CKAP5: variants seen among roughly 807,000 people sequenced by gnomAD.
CKAP5 encodes the protein cytoskeleton-associated protein 5.
CKAP5 carries 27 observed loss-of-function variants against 232.8 expected under a neutral mutation model. That is an observed-to-expected ratio of 0.12 (90% CI 0.09 to 0.16). The LOEUF (loss-of-function observed/expected upper bound fraction) is 0.16. CKAP5 is among the 10% of genes least tolerant of loss of function. The pLI, the probability that CKAP5 is intolerant of heterozygous loss-of-function variation, is 1.00. For missense variants in CKAP5, 1,838 were observed against 2,424.7 expected (o/e 0.76, Z 5.08); for synonymous variants, 785 against 841.1 (o/e 0.93, Z 1.16).
intron 4 of CKAP5, among the ~76,000 whole-genome samples, chr11:46,814,278 T>G (rs1249929259): frequency 3.9e-5 from 6 of 152,080 alleles, no homozygotes; most frequent in Admixed American, 1.3e-4. Context: ...GAGCATACTG[T>G]TTACTACTCA....
intron 35 of CKAP5, among the ~76,000 whole-genome samples, chr11:46,755,535 G>A (rs2065104406): frequency 6.6e-6 from 1 of 151,854 alleles, no homozygotes; most frequent in African/African-American, 2.4e-5. Flanking sequence ...CTAGTCCTTA[G>A]GGATTCAGTC....
At chr11:46,845,379 C>CA (rs1234371042) in intron 1 of CKAP5, among the ~76,000 whole-genome samples, 1 of 152,190 alleles carries the variant, frequency 6.6e-6, no homozygotes, top group Non-Finnish European at 1.5e-5. Context: ...ATAAAAAACT[C>CA]ATTGTTAAGA....
intron 26 of CKAP5, among the ~76,000 whole-genome samples, chr11:46,768,739 G>T (rs2065224733): frequency 6.6e-6 from 1 of 150,560 alleles, no homozygotes; most frequent in Non-Finnish European, 1.5e-5. Context: ...GCGCCACCAA[G>T]ACTAGCTAAT....
At chr11:46,836,783 A>C (rs1275318354) in intron 1 of CKAP5, among the ~76,000 whole-genome samples, 1 of 152,190 alleles carries the variant, frequency 6.6e-6, no homozygotes, top group African/African-American at 2.4e-5. Context: ...TATTTATCCA[A>C]CTGAATTAAA....
chr11:46,829,235 C>T (rs1401797644), intron 1 of CKAP5, among the ~76,000 whole-genome samples: 3 of 152,226 alleles, frequency 2.0e-5, no homozygotes, highest in Admixed American at 6.5e-5. Flanking sequence ...CCCTCCTCTT[C>T]CTCAGCCTAT....
At chr11:46,806,378 C>A (rs750626254) in intron 8 of CKAP5, among the ~76,000 whole-genome samples, 1 of 152,118 alleles carries the variant, frequency 6.6e-6, no homozygotes, top group Non-Finnish European at 1.5e-5. Context: ...GAATTCAGCA[C>A]CAGAGCAATA....
chr11:46,781,188 T>C (rs553738394), intron 18 of CKAP5, among the ~76,000 whole-genome samples: 7 of 152,314 alleles, frequency 4.6e-5, no homozygotes, highest in Admixed American at 2.6e-4. Context: ...AGAGCCACAT[T>C]GTTCTTCCAG....
intron 13 of CKAP5, among the ~76,000 whole-genome samples, chr11:46,794,936 G>T (rs1565739323): frequency 6.6e-6 from 1 of 152,194 alleles, no homozygotes; most frequent in Non-Finnish European, 1.5e-5. Context: ...TTGATTCATA[G>T]AGTTTCAGTG....
chr11:46,802,557 G>GACACACACAC (rs1254439046), intron 8 of CKAP5, among the ~76,000 whole-genome samples: 137 of 147,494 alleles, frequency 9.3e-4, no homozygotes, highest in African/African-American at 3.1e-3. Flanking sequence ...CAGACAGACA[G>GACACACACAC]ACACACACAC....
chr11:46,800,287 G>A (rs1000180328), intron 9 of CKAP5, among the ~76,000 whole-genome samples: 4 of 152,016 alleles, frequency 2.6e-5, no homozygotes, highest in Non-Finnish European at 5.9e-5. Flanking sequence ...ATTTGGTAGT[G>A]TCTTCTTTTT....
intron 11 of CKAP5, 111 bp from the exon 12 acceptor site, chr11:46,797,051 T>A: frequency 8.4e-7 from 1 of 1,185,044 alleles, no homozygotes; most frequent in African/African-American, 1.5e-5. Flanking sequence ...TACAATTTAC[T>A]GGAACTAAGT....
At chr11:46,786,426 T>C (rs952636678) in intron 16 of CKAP5, among the ~76,000 whole-genome samples, 1 of 152,214 alleles carries the variant, frequency 6.6e-6, no homozygotes, top group Non-Finnish European at 1.5e-5. Context: ...GTCTGGCAGC[T>C]TCCTAGAAAA....
At position 46,780,323 on chromosome 11, in the gene CKAP5, C is replaced by A. The variant is rs762259372; in HGVS notation, c.2308-4G>T. 6 of 1,613,654 alleles carry A rather than the reference C, an allele frequency of 3.7e-6. No individual in the cohort carries two copies. Among genetic ancestry groups the A allele is most frequent in the African/African-American group, 2.7e-5 (2 of 74,876 alleles). On this transcript the variant is annotated splice_polypyrimidine_tract_variant and splice_region_variant and intron_variant, in intron 19 of 43. Coordinates refer to ENST00000529230, the MANE Select transcript of CKAP5 (RefSeq NM_001008938.4). The stretch of plus-strand genomic sequence containing the variant: ...TTATGGCAGCAGTCCTCACAGCCTG[C>A]CAGACAGAAGAAAAATAACTTTTTA...
At chr11:46,823,702 C>T (rs1041760840) in intron 1 of CKAP5, among the ~76,000 whole-genome samples, 9 of 152,184 alleles carry the variant, frequency 5.9e-5, no homozygotes, top group Admixed American at 3.3e-4. Context: ...ATCCTCCCAA[C>T]CTCCGCCTCC....
chr11:46,755,950 A>G (rs2065107742), intron 35 of CKAP5, among the ~76,000 whole-genome samples: 1 of 152,172 alleles, frequency 6.6e-6, no homozygotes, highest in African/African-American at 2.4e-5. Flanking sequence ...AAAAATACTT[A>G]TGTTTAAATG....
chr11:46,793,043 T>C (rs925946380), intron 13 of CKAP5, among the ~76,000 whole-genome samples: 1 of 152,194 alleles, frequency 6.6e-6, no homozygotes, highest in Non-Finnish European at 1.5e-5. Flanking sequence ...GAAACTATTC[T>C]ATGCATGGAG....
intron 26 of CKAP5, 116 bp downstream of exon 26, chr11:46,769,847 G>T (rs1178044077): frequency 8.8e-7 from 1 of 1,134,652 alleles, no homozygotes; most frequent in Non-Finnish European, 1.3e-6. Flanking sequence ...GAGAAGGAAG[G>T]AGAGCTTGGA....
chr11:46,771,841 TAAGAA>T (rs1365774929), intron 24 of CKAP5, among the ~76,000 whole-genome samples: 1 of 152,238 alleles, frequency 6.6e-6, no homozygotes, highest in Non-Finnish European at 1.5e-5. Flanking sequence ...TTTAGTTTTA[TAAGAA>T]AATACCAAAC....
rs1417126164 is a variant in CKAP5 at position 46,752,183 on chromosome 11, T to C, written c.5133+452A>G. ...ATTCATATATATATATATATATATA[T>C]ATATATATATACACACACACACACA... On this transcript the variant is annotated intron_variant, in intron 38 of 43. Coordinates refer to ENST00000529230, the MANE Select transcript of CKAP5 (RefSeq NM_001008938.4). Among the ~76,000 whole-genome samples the C allele has an allele frequency of 8.8e-4, 58 of 65,638 alleles. 2 individuals carry two copies. In the East Asian group the frequency reaches 0.028, roughly 32 times the overall value. The allele number at this position is 65,638 out of a possible 152,430, so 43.1% of individuals were successfully genotyped here. A position where few individuals can be genotyped will look rare whatever the true frequency, so the allele number is the denominator to read the frequency against.
Sources: gnomAD v4.1 joint callset for allele counts (sites outside exome capture counted in the v4.1 genomes callset) on GRCh38, gnomAD v4.1.1 for gene constraint, MANE v1.5 for transcripts, NCBI Gene and HGNC (gene_info 2026-07-23, HGNC 2026-07-21) for gene names.